Variants in RARS1 observed in about 807,000 individuals in gnomAD.
The protein encoded by RARS1 is arginyl-tRNA synthetase 1.
RARS1 carries 75 observed loss-of-function variants against 78.7 expected under a neutral mutation model. The observed-to-expected ratio is 0.95, with a 90% CI of 0.79 to 1.15. The LOEUF is 1.15. Ranked by LOEUF, RARS1 falls within the 50% of genes most tolerant of loss-of-function variation. The pLI is 0.00. For synonymous variants in RARS1, 273 were observed against 268.2 expected (o/e 1.02, Z -0.18); for missense variants, 787 against 787.5 (o/e 1.00, Z 0.01).
intron 6 of RARS1, among the ~76,000 whole-genome samples, chr5:168,496,075 G>A (rs9647574): frequency 0.13 from 19,768 of 152,098 alleles, 1,717 homozygotes; most frequent in Non-Finnish European, 0.19. Flanking sequence ...AGACAAAGAA[G>A]GGAGACTATA....
intron 12 of RARS1, among the ~76,000 whole-genome samples, chr5:168,513,575 T>G (rs982086781): frequency 6.6e-6 from 1 of 152,178 alleles, no homozygotes; most frequent in Non-Finnish European, 1.5e-5. Flanking sequence ...TGCCTCAGGC[T>G]CTCAAAGTGC....
intron 9 of RARS1, among the ~76,000 whole-genome samples, chr5:168,504,490 T>C (rs1758395342): frequency 7.2e-6 from 1 of 139,788 alleles, no homozygotes; most frequent in African/African-American, 2.7e-5. Context: ...GCCACTGCAC[T>C]CCAGCCTGGC....
At chr5:168,516,085 G>T (rs12520653) in intron 12 of RARS1, among the ~76,000 whole-genome samples, 29,172 of 152,020 alleles carry the variant, frequency 0.19, 3,137 homozygotes, top group Admixed American at 0.3. Context: ...GCCAAGTGAT[G>T]ATGGACTCCT....
intron 11 of RARS1, among the ~76,000 whole-genome samples, chr5:168,508,347 GCACAGT>G (rs1326767573): frequency 1.3e-5 from 2 of 150,686 alleles, no homozygotes; most frequent in African/African-American, 4.9e-5. Flanking sequence ...TTTGGGCCAG[GCACAGT>G]GTCTCACACC....
At position 168,519,100 on chromosome 5, in the gene RARS1, C is replaced by A. The variant is rs773595654; in HGVS notation, c.1893C>A (p.Asn631Lys). 1.2e-6 allele frequency: 2 copies of A among 1,611,948 alleles called. No homozygotes were observed. Among genetic ancestry groups the A allele is most frequent in the South Asian group, 2.2e-5 (2 of 90,436 alleles). The change falls in exon 15 of 15, where the codon AAC (asparagine) becomes AAA (lysine). Residue 631 changes from asparagine to lysine, a missense_variant. Physicochemically the swap from Asn to Lys is moderately conservative, Grantham distance 94. Transcript: ENST00000231572. ...TTTCAGGAAAAATATTGAAGGTGAACATGTGGCGTATGCTGCTATGTGAAG... is the reference window on the plus strand; with the variant it reads ...TTTCAGGAAAAATATTGAAGGTGAAAATGTGGCGTATGCTGCTATGTGAAG... ...DRQTGKILKV[N>K]MWRMLLCEAV...
At chr5:168,488,821 T>C in intron 2 of RARS1, 85 bp downstream of exon 2, 1 of 1,421,680 alleles carries the variant, frequency 7.0e-7, no homozygotes, top group Non-Finnish European at 9.5e-7. Context: ...ATTCTGGAAG[T>C]ATATCCTATG....
chr5:168,512,477 T>C (rs1758582972), intron 12 of RARS1, among the ~76,000 whole-genome samples: 1 of 152,260 alleles, frequency 6.6e-6, no homozygotes, highest in South Asian at 2.1e-4. Flanking sequence ...TTTACCCACA[T>C]TGGTGTATTA....
At chr5:168,490,292 T>C (rs1385694820) in intron 2 of RARS1, among the ~76,000 whole-genome samples, 1 of 152,014 alleles carries the variant, frequency 6.6e-6, no homozygotes, top group Non-Finnish European at 1.5e-5. Flanking sequence ...TTTAATTCTC[T>C]GTTATATTTA....
At chr5:168,488,943 C>T (rs922627008) in intron 2 of RARS1, among the ~76,000 whole-genome samples, 3 of 152,188 alleles carry the variant, frequency 2.0e-5, no homozygotes, top group African/African-American at 7.2e-5. Flanking sequence ...TCCTTCAGGA[C>T]TCTTTGAAAT....
chr5:168,503,421 A>G (rs747265658), intron 9 of RARS1, among the ~76,000 whole-genome samples: 28 of 152,204 alleles, frequency 1.8e-4, no homozygotes, highest in African/African-American at 5.5e-4. Flanking sequence ...TTTTTTATCA[A>G]TTGCAGAATA....
chr5:168,513,533 G>A (rs966981584), intron 12 of RARS1, among the ~76,000 whole-genome samples: 3 of 151,958 alleles, frequency 2.0e-5, no homozygotes, highest in African/African-American at 4.8e-5. Flanking sequence ...TTGGCCAGGC[G>A]GGTCTCAAAT....
rs554175683 is a variant in RARS1 at position 168,511,472 on chromosome 5, C to T, written c.1452+786C>T. Among the ~76,000 whole-genome samples, 9 of 152,156 alleles carry T rather than the reference C, an allele frequency of 5.9e-5. No homozygotes were observed. The South Asian group carries it at 1.9e-3, about 32-fold the overall frequency. On this transcript the variant is annotated intron_variant, in intron 12 of 14. Transcript: ENST00000231572. Reference sequence around the variant, plus strand: ...CTTAAATGACCAGATCTCACAACAACTCACTATCACCAAGACAGCACCAAG... The same window carrying T: ...CTTAAATGACCAGATCTCACAACAATTCACTATCACCAAGACAGCACCAAG...
intron 2 of RARS1, 144 bp downstream of exon 2, chr5:168,488,880 C>A: frequency 1.1e-6 from 1 of 937,562 alleles, no homozygotes; most frequent in Non-Finnish European, 1.5e-6. Context: ...CTGCATTAGA[C>A]AACTTAGGAC....
At chr5:168,509,592 G>A (rs1758525520) in intron 11 of RARS1, among the ~76,000 whole-genome samples, 1 of 151,788 alleles carries the variant, frequency 6.6e-6, no homozygotes, top group African/African-American at 2.4e-5. Context: ...CATATCCGTA[G>A]TGATTCTGAT....
intron 10 of RARS1, 82 bp from the exon 11 acceptor site, chr5:168,506,640 T>A: frequency 9.7e-7 from 1 of 1,035,858 alleles, no homozygotes; most frequent in Non-Finnish European, 1.4e-6. Context: ...ATTTTACAGA[T>A]CTATTCCTAA....
chr5:168,497,328 G>C lies in RARS1; in HGVS notation c.802G>C (p.Asp268His), dbSNP rs773805957. The C allele has an allele frequency of 6.3e-7, 1 of 1,581,624 alleles. No homozygotes were observed. Among genetic ancestry groups the C allele is most frequent in the South Asian group, 1.2e-5 (1 of 83,768 alleles). The change falls in exon 7 of 15, where the codon GAT becomes CAT. Residue 268 changes from aspartate (D) to histidine (H), a missense_variant. Coordinates refer to ENST00000231572, the MANE Select transcript of RARS1 (RefSeq NM_002887.4). ...DYLTVSPPIGDLQVFYKESKK... is the reference protein window; with the variant it reads ...DYLTVSPPIGHLQVFYKESKK... ...TCTAACAGTTTCACCTCCTATTGGG[G>C]ATCTTCAGGTCTTTTATAAGGTTTG...
In RARS1 at chr5:168,517,902, A is replaced by G; in HGVS notation, c.1713A>G (p.Glu571=). The part of the protein sequence containing the change: ...ETKILLDHEK[E]WKLGRCILRF... ...AGATTCTTTTGGATCATGAGAAGGA[A>G]TGGAAACTAGGCCGGTGCATTTTAC... The change falls in exon 14 of 15, where the codon GAA becomes GAG. Residue 571 remains glutamate, a synonymous_variant. Transcript: ENST00000231572. The G allele has an allele frequency of 6.2e-7, 1 of 1,613,742 alleles. No individual in the cohort carries two copies. Among genetic ancestry groups the G allele is most frequent in the South Asian group, 1.1e-5 (1 of 91,052 alleles).
chr5:168,508,313 C>CTT (rs1368755034), intron 11 of RARS1, among the ~76,000 whole-genome samples: 1 of 143,838 alleles, frequency 7.0e-6, no homozygotes. Flanking sequence ...TCCCACCCGC[C>CTT]TTTTTTTTTT....
intron 2 of RARS1, among the ~76,000 whole-genome samples, chr5:168,489,812 C>CTTTTTTTTTTT (rs35560247): frequency 7.7e-6 from 1 of 130,320 alleles, no homozygotes; most frequent in African/African-American, 2.8e-5. Context: ...CTCATATTAT[C>CTTTTTTTTTTT]TTTTTTTTTT....
Sources: allele counts gnomAD v4.1 joint callset (sites outside exome capture counted in the v4.1 genomes callset), GRCh38; gene constraint gnomAD v4.1.1; transcripts MANE v1.5; gene names NCBI Gene and HGNC (gene_info 2026-07-23, HGNC 2026-07-21).